ATRX: variants seen among roughly 807,000 people sequenced by gnomAD.
The protein encoded by ATRX is chromatin remodeler ATRX.
Under a neutral mutation model 172.6 loss-of-function variants are expected in ATRX, and 12 were observed. The observed-to-expected ratio is 0.07, with a 90% CI of 0.04 to 0.11. ATRX has a LOEUF of 0.11. ATRX is among the 10% of genes least tolerant of loss of function. The probability of loss-of-function intolerance (pLI) is 1.00; values close to 1 mark genes in which losing one functional copy is unlikely to be tolerated. For missense variants in ATRX, 1,368 were observed against 1,767.4 expected (o/e 0.77, Z 4.05); for synonymous variants, 674 against 594.7 (o/e 1.13, Z -1.94).
chrX:77,726,860 T>C (rs782650019), intron 1 of ATRX, among the ~76,000 whole-genome samples: 15 of 110,510 alleles, frequency 1.4e-4, no homozygotes, highest in Non-Finnish European at 2.5e-4. Flanking sequence ...CCATGATCAT[T>C]ACCATGAATG....
intron 22 of ATRX, chrX:77,616,111 G>A: frequency 1.3e-6 from 1 of 775,045 alleles, no homozygotes; most frequent in Non-Finnish European, 1.5e-6. Flanking sequence ...AAACTAGAAG[G>A]TCTTCATAAC....
chrX:77,559,131 T>A (rs1418588853), intron 28 of ATRX, among the ~76,000 whole-genome samples: 1 of 111,341 alleles, frequency 9.0e-6, no homozygotes, highest in African/African-American at 3.3e-5. Context: ...TCTACAGATT[T>A]CTGAATAAAT....
intron 22 of ATRX, among the ~76,000 whole-genome samples, chrX:77,602,366 G>A (rs934964814): frequency 9.1e-6 from 1 of 109,765 alleles, no homozygotes; most frequent in East Asian, 2.9e-4. Flanking sequence ...AAGGTTTGTC[G>A]ATTATGTTAA....
chrX:77,737,943 T>C (rs2074675674), intron 1 of ATRX, among the ~76,000 whole-genome samples: 1 of 111,775 alleles, frequency 8.9e-6, no homozygotes, highest in African/African-American at 3.3e-5. Context: ...GTACATTTAA[T>C]GCACACTGAC....
At position 77,683,545 on chromosome X, in the gene ATRX, T is replaced by G. The variant is rs2071373928; in HGVS notation, c.1711A>C (p.Arg571=). The G allele has an allele frequency of 8.3e-7, 1 of 1,209,571 alleles. No homozygotes were observed. The highest frequency in any genetic ancestry group is 1.1e-6 in the Non-Finnish European group (1 of 893,813). ...VKLNISSKDN[R]GGIKSKTTAK... is the part of the protein sequence containing the mutation. ...GTAGTTTTTGATTTAATACCTCCTC[T>G]GTTGTCTTTTGAAGAAATATTTAAT... is the stretch of plus-strand genomic sequence containing the variant. The change falls in exon 9 of 35, where the codon AGA becomes CGA. Residue 571 remains arginine, a synonymous_variant. Transcript: ENST00000373344.
At position 77,683,984 on chromosome X, in the gene ATRX, G is replaced by C. The variant is rs1557141981; in HGVS notation, c.1272C>G (p.Asn424Lys). 8.3e-7 allele frequency: 1 copy of C among 1,209,039 alleles called. No homozygotes were observed. The change falls in exon 9 of 35, where the codon AAC becomes AAG. Residue 424 changes from asparagine (N) to lysine (K), a missense_variant. This residue lies in a region of ATRX where 843 missense variants were observed against 643.1 expected (regional missense o/e 1.31). Coordinates refer to ENST00000373344, the MANE Select transcript of ATRX (RefSeq NM_000489.6). ...NSEFRAMDAV[N>K]KEKNTKEHKV... ...TATGCTCTTTGGTATTTTTCTCTTTGTTTACAGCATCCATCGCTCGAAACT... is the reference window on the plus strand; with the variant it reads ...TATGCTCTTTGGTATTTTTCTCTTTCTTTACAGCATCCATCGCTCGAAACT...
At chrX:77,583,531 A>AG (rs1324152004) in intron 27 of ATRX, among the ~76,000 whole-genome samples, 1 of 111,413 alleles carries the variant, frequency 9.0e-6, no homozygotes, top group East Asian at 2.8e-4. Flanking sequence ...CAAAAAAAAA[A>AG]CAAAAAACAA....
At chrX:77,522,829 A>C (rs1424629232) in intron 31 of ATRX, among the ~76,000 whole-genome samples, 13 of 112,006 alleles carry the variant, frequency 1.2e-4, no homozygotes, top group African/African-American at 4.2e-4. Context: ...ATGTCTAATA[A>C]TGAAATATTT....
intron 2 of ATRX, among the ~76,000 whole-genome samples, chrX:77,706,416 A>G (rs932558516): frequency 9.0e-6 from 1 of 111,281 alleles, no homozygotes; most frequent in African/African-American, 3.3e-5. Flanking sequence ...CAACATATAC[A>G]AAACATTAAC....
chrX:77,650,242 A>G (rs2069145383), intron 15 of ATRX, among the ~76,000 whole-genome samples: 1 of 112,141 alleles, frequency 8.9e-6, no homozygotes, highest in Non-Finnish European at 1.9e-5. Flanking sequence ...AGCAGTTTTA[A>G]AGTACCTCTT....
chrX:77,726,274 C>A (rs184027411), intron 1 of ATRX, among the ~76,000 whole-genome samples: 1,495 of 110,512 alleles, frequency 0.014, 17 homozygotes, highest in Non-Finnish European at 0.021. Context: ...ACATACACAC[C>A]ATGGAATACT....
intron 13 of ATRX, among the ~76,000 whole-genome samples, chrX:77,655,740 A>G (rs2069513190): frequency 9.1e-6 from 1 of 109,990 alleles, no homozygotes. Context: ...TATCATTTTC[A>G]TTTTATATTG....
chrX:77,749,330 C>T (rs782505617), intron 1 of ATRX, among the ~76,000 whole-genome samples: 22 of 110,904 alleles, frequency 2.0e-4, no homozygotes, highest in African/African-American at 6.9e-4. Flanking sequence ...TGTATGTATA[C>T]ACACAAACAC....
At chrX:77,726,612 T>G (rs1424417836) in intron 1 of ATRX, among the ~76,000 whole-genome samples, 1 of 111,041 alleles carries the variant, frequency 9.0e-6, no homozygotes, top group Non-Finnish European at 1.9e-5. Context: ...CCCTAGAACT[T>G]AAAGTGTAAT....
intron 30 of ATRX, among the ~76,000 whole-genome samples, chrX:77,541,190 C>T (rs2063977179): frequency 8.9e-6 from 1 of 112,198 alleles, no homozygotes; most frequent in Non-Finnish European, 1.9e-5. Flanking sequence ...CTAAAAACAC[C>T]TTGGTGCAAA....
At chrX:77,576,376 T>C (rs1353783732) in intron 27 of ATRX, among the ~76,000 whole-genome samples, 1 of 110,937 alleles carries the variant, frequency 9.0e-6, no homozygotes, top group East Asian at 2.8e-4. Context: ...AAGCTTATAT[T>C]TAACTACAGT....
chrX:77,678,523 G>GA (rs2071025857), intron 9 of ATRX, among the ~76,000 whole-genome samples: 1 of 112,221 alleles, frequency 8.9e-6, no homozygotes, highest in South Asian at 3.7e-4. Context: ...GTCTCGCTCT[G>GA]TCGCCCAGGC....
At chrX:77,770,851 G>A (rs1231073605) in intron 1 of ATRX, among the ~76,000 whole-genome samples, 3 of 111,829 alleles carry the variant, frequency 2.7e-5, no homozygotes, top group Non-Finnish European at 5.6e-5. Flanking sequence ...TGATTTAAGG[G>A]CAACATATGA....
intron 19 of ATRX, among the ~76,000 whole-genome samples, chrX:77,628,287 T>A (rs1012389860): frequency 1.8e-5 from 2 of 113,021 alleles, no homozygotes; most frequent in Non-Finnish European, 3.7e-5. Flanking sequence ...CCTCTCAAGC[T>A]ACAAAATGTG....
Sources: gnomAD v4.1 joint callset for allele counts (sites outside exome capture counted in the v4.1 genomes callset) on GRCh38, gnomAD v4.1.1 for gene constraint, gnomAD v4.1.1 regional missense constraint, MANE v1.5 for transcripts, NCBI Gene and HGNC (gene_info 2026-07-23, HGNC 2026-07-21) for gene names.